Variants in TASL observed in about 807,000 individuals in gnomAD.
The protein encoded by TASL is TLR adaptor interacting with endolysosomal SLC15A4.
Under a neutral mutation model 12.9 loss-of-function variants are expected in TASL, and 6 were observed. That is an observed-to-expected ratio of 0.46 (90% CI 0.25 to 0.92). TASL has a LOEUF of 0.92. TASL is among the 40% of genes least tolerant of loss of function. The pLI, the probability that TASL is intolerant of heterozygous loss-of-function variation, is 0.17. For synonymous variants in TASL, 85 were observed against 79.3 expected (o/e 1.07, Z -0.38); for missense variants, 165 against 212.8 (o/e 0.78, Z 1.40).
intron 2 of TASL, among the ~76,000 whole-genome samples, chrX:30,565,214 A>T (rs1478572003): frequency 2.7e-5 from 3 of 111,717 alleles, no homozygotes; most frequent in African/African-American, 9.8e-5. Flanking sequence ...CAGGACTGGG[A>T]AAAGCAGATG....
At chrX:30,572,569 A>C (rs1395433322) in intron 2 of TASL, among the ~76,000 whole-genome samples, 3 of 112,132 alleles carry the variant, frequency 2.7e-5, no homozygotes, top group Non-Finnish European at 5.6e-5. Flanking sequence ...CTTTGAACTT[A>C]TTCCTTCTAT....
chrX:30,558,839 C>T lies in TASL; in HGVS notation c.*611G>A, dbSNP rs1323024661. ...TTTTTTTTTTGAGACGGGAGTCTCA[C>T]TCTTGTTGCCCAGGCTGGAGTGCAA... On this transcript the variant is annotated 3_prime_UTR_variant, in exon 3 of 3. Transcript: ENST00000378962. The T allele has an allele frequency of 9.3e-6, 1 of 107,656 alleles. No homozygotes were observed. The highest frequency in any genetic ancestry group is 1.9e-5 in the Non-Finnish European group (1 of 52,036). 8.9% of individuals were successfully genotyped at this position (107,656 alleles called of 1,213,427 possible).
intron 2 of TASL, among the ~76,000 whole-genome samples, chrX:30,566,915 C>A (rs1465781690): frequency 9.0e-6 from 1 of 111,727 alleles, no homozygotes. Context: ...ATTTAAATAG[C>A]CACACTTGGC....
chrX:30,572,311 T>C (rs188135676), intron 2 of TASL, among the ~76,000 whole-genome samples: 40 of 112,557 alleles, frequency 3.6e-4, no homozygotes, highest in African/African-American at 5.5e-4. Context: ...GCTGTTGTTA[T>C]CACTTCTTCA....
chrX:30,570,288 C>T (rs1026089230), intron 2 of TASL, among the ~76,000 whole-genome samples: 2 of 110,112 alleles, frequency 1.8e-5, no homozygotes, highest in Non-Finnish European at 3.8e-5. Flanking sequence ...AGAGAGAGCA[C>T]GCACTAGTAT....
intron 2 of TASL, among the ~76,000 whole-genome samples, chrX:30,570,971 G>A (rs767820885): frequency 4.7e-4 from 51 of 108,595 alleles, no homozygotes; most frequent in South Asian, 3.2e-3. Context: ...ACCTGAGGTC[G>A]GGAGTTCGAG....
At chrX:30,560,527 A>T (rs1038716731) in intron 2 of TASL, among the ~76,000 whole-genome samples, 171 bp from the exon 3 acceptor site, 5 of 111,654 alleles carry the variant, frequency 4.5e-5, no homozygotes, top group African/African-American at 1.3e-4. Flanking sequence ...TGTGCTAAGG[A>T]TATAAAAATG....
chrX:30,577,289 T>G (rs1365193936), intron 1 of TASL, among the ~76,000 whole-genome samples: 1 of 112,441 alleles, frequency 8.9e-6, no homozygotes, highest in African/African-American at 3.2e-5. Context: ...ATGCAGAAGC[T>G]AAACCAGTGT....
At chrX:30,572,522 G>A (rs945802960) in intron 2 of TASL, among the ~76,000 whole-genome samples, 2 of 111,984 alleles carry the variant, frequency 1.8e-5, no homozygotes, top group Non-Finnish European at 3.8e-5. Context: ...GAATATGATA[G>A]ATCATCAACT....
intron 2 of TASL, among the ~76,000 whole-genome samples, chrX:30,572,940 C>CA (rs1930649837): frequency 8.9e-6 from 1 of 111,840 alleles, no homozygotes; most frequent in Non-Finnish European, 1.9e-5. Context: ...TGACCTAAGT[C>CA]AAAAAGCAGA....
intron 2 of TASL, among the ~76,000 whole-genome samples, chrX:30,573,569 G>A (rs1452366792): frequency 9.0e-6 from 1 of 111,612 alleles, no homozygotes; most frequent in African/African-American, 3.3e-5. Flanking sequence ...CCATGACACT[G>A]CTATAGCCTG....
Position 30,560,144 on chromosome X carries a change from C to T in TASL, c.212G>A (p.Arg71Lys), listed in dbSNP as rs1156520654. The change falls in exon 3 of 3, where the codon AGA becomes AAA. Residue 71 changes from arginine (R) to lysine (K), a missense_variant. Physicochemically the swap from Arg to Lys is conservative, Grantham distance 26. Coordinates refer to ENST00000378962, the MANE Select transcript of TASL (RefSeq NM_025159.3). The stretch of plus-strand genomic sequence containing the variant: ...CTGACTTCTGCTATGTTGGCTCTCT[C>T]TTGAATGCACTGAAGAGATAAACTT... Reference protein sequence around the residue: ...SGKFISSVHSRESQHSRSQRV... With the variant: ...SGKFISSVHSKESQHSRSQRV... 2 of 1,208,484 alleles carry T rather than the reference C, an allele frequency of 1.7e-6. No homozygotes were observed. Among genetic ancestry groups the T allele is most frequent in the African/African-American group, 1.7e-5 (1 of 57,217 alleles).
chrX:30,568,279 G>A (rs191894269), intron 2 of TASL, among the ~76,000 whole-genome samples: 74 of 110,597 alleles, frequency 6.7e-4, no homozygotes, highest in African/African-American at 2.3e-3. Flanking sequence ...GGGGGGAGAA[G>A]AAGATGGCAT....
intron 2 of TASL, among the ~76,000 whole-genome samples, chrX:30,561,603 G>T (rs1411271364): frequency 4.5e-5 from 5 of 111,667 alleles, no homozygotes; most frequent in African/African-American, 1.6e-4. Context: ...TTTAAAAATT[G>T]TTAACATCTC....
chrX:30,575,903 C>A (rs893792293), intron 2 of TASL, among the ~76,000 whole-genome samples: 3 of 110,685 alleles, frequency 2.7e-5, no homozygotes, highest in East Asian at 2.8e-4. Flanking sequence ...AAAAATTAAA[C>A]CTTTTGGATC....
At chrX:30,564,734 GACTATGTGCTCC>G (rs1464360504) in intron 2 of TASL, among the ~76,000 whole-genome samples, 1 of 111,971 alleles carries the variant, frequency 8.9e-6, no homozygotes, top group Non-Finnish European at 1.9e-5. Context: ...AAAGTCAATA[GACTATGTGCTCC>G]ACTGAAAGGA....
At chrX:30,561,645 T>A (rs1350757045) in intron 2 of TASL, among the ~76,000 whole-genome samples, 1 of 111,889 alleles carries the variant, frequency 8.9e-6, no homozygotes, top group Non-Finnish European at 1.9e-5. Context: ...GTTTCCCAGG[T>A]AAATAAAATG....
rs200439691 is a variant in TASL at position 30,559,907 on chromosome X, A to T, written c.449T>A (p.Phe150Tyr). Residue 150 changes from phenylalanine to tyrosine, a missense_variant, in exon 3 of 3, where the codon TTT becomes TAT. Coordinates refer to ENST00000378962, the MANE Select transcript of TASL (RefSeq NM_025159.3). ...VTTDFPSESS[F>Y]EYGPLLKSSE... ...TGACTTCAGCAAAGGGCCATATTCA[A>T]AACTGCTCTCAGAGGGAAAATCTGT... is the stretch of plus-strand genomic sequence containing the variant. 1 of 1,211,803 alleles carries T rather than the reference A, an allele frequency of 8.3e-7. No homozygotes were observed. The highest frequency in any genetic ancestry group is 1.1e-6 in the Non-Finnish European group (1 of 895,372).
intron 2 of TASL, among the ~76,000 whole-genome samples, chrX:30,572,951 C>T (rs938444320): frequency 2.7e-5 from 3 of 111,985 alleles, no homozygotes; most frequent in Non-Finnish European, 5.6e-5. Context: ...AAAAAGCAGA[C>T]GCAATAAATG....
Sources: gnomAD v4.1 joint callset for allele counts (sites outside exome capture counted in the v4.1 genomes callset) on GRCh38, gnomAD v4.1.1 for gene constraint, MANE v1.5 for transcripts, NCBI Gene and HGNC (gene_info 2026-07-23, HGNC 2026-07-21) for gene names.